Variants in GRK3 observed in about 807,000 individuals in gnomAD.
GRK3 encodes the protein G protein-coupled receptor kinase 3, also known as adrenergic, beta, receptor kinase 2.
GRK3 carries 54 observed loss-of-function variants against 95.7 expected under a neutral mutation model. The ratio of observed to expected loss-of-function variants is 0.56; its 90% confidence interval spans 0.45 to 0.71. The LOEUF (loss-of-function observed/expected upper bound fraction) is 0.71. GRK3 is among the 30% of genes least tolerant of loss of function. The pLI, the probability that GRK3 is intolerant of heterozygous loss-of-function variation, is 0.00. For synonymous variants in GRK3, 281 were observed against 290.8 expected, an observed-to-expected ratio of 0.97 and a Z score of 0.34; for missense variants, 649 against 851.2, an observed-to-expected ratio of 0.76 and a Z score of 2.96.
chr22:25,586,093 A>T (rs1373681803), intron 1 of GRK3, among the ~76,000 whole-genome samples: 1 of 152,226 alleles, frequency 6.6e-6, no homozygotes, highest in African/African-American at 2.4e-5. Context: ...GAATATGCTT[A>T]TATCATTGTG....
intron 13 of GRK3, among the ~76,000 whole-genome samples, chr22:25,695,741 T>C (rs2085202602): frequency 6.6e-6 from 1 of 152,120 alleles, no homozygotes. Context: ...AGGCTCACTG[T>C]AGCCTCGACC....
At chr22:25,632,931 G>A (rs550206054) in intron 2 of GRK3, among the ~76,000 whole-genome samples, 16 of 152,016 alleles carry the variant, frequency 1.1e-4, no homozygotes, top group South Asian at 4.2e-4. Context: ...TGTTTTTAGA[G>A]ACAGAGTCTT....
intron 1 of GRK3, among the ~76,000 whole-genome samples, chr22:25,603,702 T>C (rs532686132): frequency 1.3e-5 from 2 of 152,340 alleles, no homozygotes; most frequent in Non-Finnish European, 2.9e-5. Context: ...TTGGGTAGAC[T>C]TCAAACTTTT....
chr22:25,572,326 A>G (rs1931731853), intron 1 of GRK3, among the ~76,000 whole-genome samples: 1 of 152,166 alleles, frequency 6.6e-6, no homozygotes, highest in Non-Finnish European at 1.5e-5. Context: ...ATACGTGTGC[A>G]TGTGTCTTTA....
intron 3 of GRK3, chr22:25,648,094 C>G: frequency 1.8e-6 from 1 of 561,024 alleles, no homozygotes; most frequent in East Asian, 3.1e-5. Flanking sequence ...CCAGCCTCGG[C>G]GACAAGAGCA....
rs552553868 is a variant in GRK3 at position 25,656,914 on chromosome 22, C to G, written c.265-4662C>G. 5.3e-5 allele frequency among the ~76,000 whole-genome samples: 8 copies of G among 152,238 alleles called. No individual in the cohort carries two copies. In the South Asian group the frequency reaches 1.7e-3, roughly 32 times the overall value. ...AGGTTTGAATGTTAAAGAGGCTGGT[C>G]TTTTGAAGATGGAAGCTTGGTGAGG... On this transcript the variant is annotated intron_variant, in intron 3 of 20. Transcript: ENST00000324198.
At chr22:25,574,692 T>C (rs959175238) in intron 1 of GRK3, among the ~76,000 whole-genome samples, 4 of 152,314 alleles carry the variant, frequency 2.6e-5, no homozygotes, top group South Asian at 2.1e-4. Context: ...CGAATCCTAA[T>C]GGCTAAGTAA....
At chr22:25,680,005 C>CTA (rs2085062580) in intron 9 of GRK3, among the ~76,000 whole-genome samples, 1 of 152,202 alleles carries the variant, frequency 6.6e-6, no homozygotes, top group African/African-American at 2.4e-5. Context: ...CCCCAAATCT[C>CTA]TAGACTTTTT....
intron 1 of GRK3, among the ~76,000 whole-genome samples, chr22:25,591,294 G>C (rs1363740028): frequency 1.3e-5 from 2 of 152,174 alleles, no homozygotes; most frequent in African/African-American, 4.8e-5. Context: ...GAGGGGTAGA[G>C]AGCAGAGCTT....
chr22:25,607,937 C>T (rs1382654393), intron 2 of GRK3, among the ~76,000 whole-genome samples: 2 of 152,082 alleles, frequency 1.3e-5, no homozygotes, highest in African/African-American at 4.8e-5. Flanking sequence ...TAAACTGAGA[C>T]TTTGCTCTAA....
intron 5 of GRK3, among the ~76,000 whole-genome samples, chr22:25,663,910 C>A (rs55842914): frequency 0.052 from 7,885 of 152,216 alleles, 265 homozygotes; most frequent in Non-Finnish European, 0.078. Context: ...CTTCCTAAAG[C>A]CTTTTCTGAA....
intron 17 of GRK3, among the ~76,000 whole-genome samples, chr22:25,711,721 G>A (rs903231331): frequency 2.3e-4 from 35 of 152,078 alleles, no homozygotes; most frequent in African/African-American, 8.0e-4. Flanking sequence ...TTAAGATGCT[G>A]GGTCAAAGTG....
chr22:25,577,403 G>A (rs919845489), intron 1 of GRK3, among the ~76,000 whole-genome samples: 1 of 152,102 alleles, frequency 6.6e-6, no homozygotes, highest in Non-Finnish European at 1.5e-5. Context: ...TCGAACTCCT[G>A]GCCTCAAGTG....
rs981753733 is a variant in GRK3, at chr22:25,681,408, G to T, written c.747+2493G>T. On this transcript the variant is annotated intron_variant, in intron 9 of 20. Coordinates refer to ENST00000324198, the MANE Select transcript of GRK3 (RefSeq NM_005160.4). ...TCAGCGAATGCCTTTCTGAAGTTGG[G>T]GGTTACCTGGAGAGGAGCCAGTGCA... Among the ~76,000 whole-genome samples, 11 of 152,118 alleles carry T rather than the reference G, an allele frequency of 7.2e-5. No homozygotes were observed. In the South Asian group the frequency reaches 2.1e-3, roughly 29 times the overall value.
rs182118824 is a variant in GRK3 at position 25,590,639 on chromosome 22, T to C, written c.114-13738T>C. On this transcript the variant is annotated intron_variant, in intron 1 of 20. Transcript: ENST00000324198. ...GATCGAGACTCTCCTGGCCAACATG[T>C]TGAAACCTTATCTCTACTAAAAATA... Among the ~76,000 whole-genome samples, 265 of 152,072 alleles carry C rather than the reference T, an allele frequency of 1.7e-3. 1 individual carries two copies. The highest frequency in any genetic ancestry group is 3.1e-3 in the Non-Finnish European group (210 of 67,960).
chr22:25,726,955 G>GTGTT lies in GRK3; in HGVS notation c.*4507_*4508insTTTG, dbSNP rs1471502970. On this transcript the variant is annotated 3_prime_UTR_variant, in exon 21 of 21. Transcript: ENST00000324198. ...TGTGTGTGTGTGTGTGTGTGTGTGT[G>GTGTT]TGCACTTTGCAGCCCCCGAGGTGGA... is the stretch of plus-strand genomic sequence containing the variant. The GTGTT allele has an allele frequency of 6.6e-6, 1 of 151,618 alleles. No homozygotes were observed. The highest frequency in any genetic ancestry group is 1.4e-5 in the Non-Finnish European group (1 of 70,918). The allele number at this position is 151,618 out of a possible 1,614,324, so 9.4% of individuals were successfully genotyped here.
chr22:25,668,090 G>A (rs1325436989), intron 6 of GRK3, among the ~76,000 whole-genome samples: 1 of 152,154 alleles, frequency 6.6e-6, no homozygotes, highest in African/African-American at 2.4e-5. Flanking sequence ...AGAGACCTTT[G>A]CTAATAATGC....
intron 1 of GRK3, among the ~76,000 whole-genome samples, chr22:25,583,139 T>C (rs1291167708): frequency 6.6e-6 from 1 of 152,170 alleles, no homozygotes; most frequent in Non-Finnish European, 1.5e-5. Flanking sequence ...TGTGTTTGGG[T>C]GTCCAGGAAG....
At chr22:25,626,251 A>G (rs2084627581) in intron 2 of GRK3, among the ~76,000 whole-genome samples, 1 of 152,168 alleles carries the variant, frequency 6.6e-6, no homozygotes, top group South Asian at 2.1e-4. Context: ...CTTAGTGTGA[A>G]GTCTTAGCCC....
Sources: gnomAD v4.1 joint callset for allele counts (sites outside exome capture counted in the v4.1 genomes callset) on GRCh38, gnomAD v4.1.1 for gene constraint, MANE v1.5 for transcripts, NCBI Gene and HGNC (gene_info 2026-07-23, HGNC 2026-07-21) for gene names.